Variants in EVL observed in about 807,000 individuals in gnomAD.
EVL encodes the protein Enah/Vasp-like.
A neutral mutation model predicts 59.6 loss-of-function variants in EVL; 21 were observed. That is an observed-to-expected ratio of 0.35 (90% CI 0.25 to 0.51). The LOEUF (loss-of-function observed/expected upper bound fraction) is 0.51. Among genes scored for constraint, EVL ranks in the 20% least tolerant of loss-of-function variants. EVL has a pLI of 0.97. For synonymous variants in EVL, 198 were observed against 203.5 expected, an observed-to-expected ratio of 0.97 and a Z score of 0.23; for missense variants, 462 against 546.6, an observed-to-expected ratio of 0.85 and a Z score of 1.54.
intron 1 of EVL, among the ~76,000 whole-genome samples, chr14:99,974,181 A>C (rs1016336972): frequency 6.6e-6 from 1 of 152,234 alleles, no homozygotes; most frequent in African/African-American, 2.4e-5. Context: ...TCAGTTATAC[A>C]ACCATTACCA....
chr14:100,063,407 G>A (rs1441896213), upstream of EVL, among the ~76,000 whole-genome samples: 2 of 152,202 alleles, frequency 1.3e-5, no homozygotes, highest in African/African-American at 2.4e-5. Flanking sequence ...TTCTGATGAT[G>A]TTGGGCTTCT....
intron 3 of EVL, chr14:100,106,508 T>C: frequency 5.6e-6 from 1 of 180,038 alleles, no homozygotes; most frequent in Non-Finnish European, 1.1e-5. Context: ...CTCCGTCTCC[T>C]AGTGTAGCTG....
intron 3 of EVL, among the ~76,000 whole-genome samples, chr14:100,100,085 G>A (rs1886110937): frequency 6.7e-6 from 1 of 150,060 alleles, no homozygotes; most frequent in African/African-American, 2.5e-5. Context: ...ATTCACCAGA[G>A]AATCACAGGT....
Position 100,109,806 on chromosome 14 carries a change from G to A in EVL, c.358+12148G>A. On this transcript the variant is annotated intron_variant, in intron 3 of 13. Coordinates refer to ENST00000392920, the MANE Select transcript of EVL (RefSeq NM_016337.3). This position sits in a 1 kb window ranked among gnomAD's most constrained non-coding sequence, Gnocchi z 4.3. ...TTCTCCAGCCACAGCCTATGGAAGGGCCTTCAGCTGCTGTGGCCCCGAGGT... is the reference window on the plus strand; with the variant it reads ...TTCTCCAGCCACAGCCTATGGAAGGACCTTCAGCTGCTGTGGCCCCGAGGT... 1 of 465,586 alleles carries A rather than the reference G, an allele frequency of 2.1e-6. No individual in the cohort carries two copies. Among genetic ancestry groups the A allele is most frequent in the Non-Finnish European group, 4.5e-6 (1 of 220,530 alleles). 28.8% of individuals were successfully genotyped at this position (465,586 alleles called of 1,614,324 possible). A position where few individuals can be genotyped will look rare whatever the true frequency, so the allele number is the denominator to read the frequency against.
At chr14:100,077,654 T>C (rs1420940303) in intron 1 of EVL, among the ~76,000 whole-genome samples, 2 of 152,192 alleles carry the variant, frequency 1.3e-5, no homozygotes, top group Non-Finnish European at 2.9e-5. Context: ...CAAACGTGTG[T>C]TACAGTAGAG....
intron 9 of EVL, 104 bp from the exon 10 acceptor site, chr14:100,137,474 C>A: frequency 7.9e-7 from 1 of 1,264,094 alleles, no homozygotes; most frequent in Non-Finnish European, 1.1e-6. Flanking sequence ...GGGCTCTGCA[C>A]CCTTGGCATG....
chr14:99,998,402 C>T (rs1372160533), intron 1 of EVL, among the ~76,000 whole-genome samples: 1 of 152,110 alleles, frequency 6.6e-6, no homozygotes, highest in Non-Finnish European at 1.5e-5. Flanking sequence ...TCCCATGGAT[C>T]TCTAATTTGA....
chr14:99,986,721 G>A (rs185143758), intron 1 of EVL, among the ~76,000 whole-genome samples: 4 of 152,312 alleles, frequency 2.6e-5, no homozygotes, highest in South Asian at 2.1e-4. Context: ...GCATAAGTAC[G>A]TGCAATTCAG....
chr14:100,051,198 G>T (rs1210154904), intron 1 of EVL, among the ~76,000 whole-genome samples: 2 of 152,234 alleles, frequency 1.3e-5, no homozygotes, highest in Non-Finnish European at 2.9e-5. Context: ...AGGCCATTCT[G>T]AGTAGCATGA....
intron 1 of EVL, among the ~76,000 whole-genome samples, chr14:99,981,934 C>G (rs1323163049): frequency 6.6e-6 from 1 of 152,198 alleles, no homozygotes; most frequent in Non-Finnish European, 1.5e-5. Flanking sequence ...TGAAGGGACT[C>G]TTGAGTTGCC....
chr14:100,017,914 C>T (rs2061064202), intron 1 of EVL, among the ~76,000 whole-genome samples: 1 of 152,214 alleles, frequency 6.6e-6, no homozygotes, highest in Non-Finnish European at 1.5e-5. Context: ...TCTCTTGCTT[C>T]TCTTCGAGAC....
chr14:100,060,344 T>C (rs954215244), intron 1 of EVL, among the ~76,000 whole-genome samples: 3 of 146,618 alleles, frequency 2.0e-5, no homozygotes, highest in African/African-American at 7.7e-5. Flanking sequence ...GGCAGGAGAA[T>C]GGCGTGAACC....
At chr14:100,000,125 G>A (rs1282802734) in intron 1 of EVL, among the ~76,000 whole-genome samples, 1 of 152,184 alleles carries the variant, frequency 6.6e-6, no homozygotes, top group African/African-American at 2.4e-5. Flanking sequence ...TTTTGCCAAG[G>A]TTGAGGACAC....
intron 3 of EVL, among the ~76,000 whole-genome samples, chr14:100,104,633 C>T (rs1365283084): frequency 1.3e-5 from 2 of 152,114 alleles, no homozygotes; most frequent in Non-Finnish European, 2.9e-5. Flanking sequence ...GCAAAGCTCC[C>T]GTTATGATGG....
intron 1 of EVL, among the ~76,000 whole-genome samples, chr14:100,033,909 C>G (rs2061349728): frequency 6.6e-6 from 1 of 151,998 alleles, no homozygotes; most frequent in Non-Finnish European, 1.5e-5. Context: ...AAAACAAAAA[C>G]AAGAAGTCCT....
intron 1 of EVL, among the ~76,000 whole-genome samples, chr14:100,065,975 A>T (rs1239444910): frequency 6.6e-6 from 1 of 151,996 alleles, no homozygotes; most frequent in Non-Finnish European, 1.5e-5. Context: ...AAGAGTCCTG[A>T]CCCTCCACTT....
At chr14:100,133,852 G>C (rs932695537) in intron 8 of EVL, among the ~76,000 whole-genome samples, 2 of 152,202 alleles carry the variant, frequency 1.3e-5, no homozygotes, top group Non-Finnish European at 2.9e-5. Flanking sequence ...CAGGAGAATT[G>C]CTTGAACCTG....
chr14:100,066,161 T>C (rs1042839455), intron 1 of EVL, among the ~76,000 whole-genome samples: 1 of 152,244 alleles, frequency 6.6e-6, no homozygotes. Flanking sequence ...GACAGACTTT[T>C]ATCCTGTGGG....
chr14:99,991,102 A>T (rs534007779), intron 1 of EVL, among the ~76,000 whole-genome samples: 3 of 152,312 alleles, frequency 2.0e-5, no homozygotes, highest in East Asian at 3.9e-4. Flanking sequence ...AGGCAGCAAG[A>T]TCAACCCCTC....
Sources: allele counts gnomAD v4.1 joint callset (sites outside exome capture counted in the v4.1 genomes callset), GRCh38; gene constraint gnomAD v4.1.1; non-coding constraint Gnocchi (gnomAD v3.1); transcripts MANE v1.5; gene names NCBI Gene and HGNC (gene_info 2026-07-23, HGNC 2026-07-21).